The following CSNK1E variants were observed in gnomAD, a reference collection of about 807,000 sequenced individuals.
CSNK1E encodes casein kinase I isoform epsilon.
Under a neutral mutation model 46.1 loss-of-function variants are expected in CSNK1E, and 17 were observed. That is an observed-to-expected ratio of 0.37 (90% CI 0.25 to 0.55). The LOEUF is 0.55. CSNK1E is among the 20% of genes least tolerant of loss of function. The probability of loss-of-function intolerance (pLI) is 0.82; values close to 1 mark genes in which losing one functional copy is unlikely to be tolerated. For missense variants in CSNK1E, 386 were observed against 595.4 expected (o/e 0.65, Z 3.66); for synonymous variants, 241 against 242.6 (o/e 0.99, Z 0.06).
intron 7 of CSNK1E, chr22:38,296,915 C>T (rs775771203): frequency 9.8e-5 from 60 of 612,310 alleles, no homozygotes; most frequent in Middle Eastern, 4.3e-4. Flanking sequence ...GCTGGGATTA[C>T]AGGAACACAC....
Position 38,294,268 on chromosome 22 carries a change from C to T in CSNK1E, c.1079-20G>A. 1 of 1,609,374 alleles carries T rather than the reference C, an allele frequency of 6.2e-7. No individual in the cohort carries two copies. On this transcript the variant is annotated intron_variant, in intron 8 of 10. Transcript: ENST00000396832. This position sits in a 1 kb window ranked among gnomAD's most constrained non-coding sequence, Gnocchi z 5.5. Reference sequence around the variant, plus strand: ...TATTGCCTGGAGGGAGAGTGGGAAGCCACCCTCAGAGTAGGCACAAACAGA... The same window carrying T: ...TATTGCCTGGAGGGAGAGTGGGAAGTCACCCTCAGAGTAGGCACAAACAGA...
chr22:38,308,551 G>A (rs546015640), intron 2 of CSNK1E, among the ~76,000 whole-genome samples: 1 of 152,282 alleles, frequency 6.6e-6, no homozygotes, highest in South Asian at 2.1e-4. Context: ...TACCTCATGT[G>A]TAAACCGATG....
In CSNK1E at chr22:38,300,988, G is replaced by GC; in HGVS notation, c.337-37dup. The GC allele has an allele frequency of 6.3e-7, 1 of 1,578,436 alleles. No homozygotes were observed. The highest frequency in any genetic ancestry group is 8.7e-7 in the Non-Finnish European group (1 of 1,148,172). ...GGGGGGCCATTTGTTCAACAGAGGG[G>GC]CCCTTGCCTAGCACTCTGGGCCAGG... On this transcript the variant is annotated intron_variant, in intron 4 of 10. Transcript: ENST00000396832. This position sits in a 1 kb window ranked among gnomAD's most constrained non-coding sequence, Gnocchi z 4.4.
intron 4 of CSNK1E, 77 bp from the exon 5 acceptor site, chr22:38,301,029 C>T: frequency 7.8e-7 from 1 of 1,276,606 alleles, no homozygotes; most frequent in Admixed American, 1.8e-5. Context: ...GCTGGGGCCA[C>T]AGAGGTGGAA....
At chr22:38,296,247 T>A in intron 7 of CSNK1E, 1 of 1,129,154 alleles carries the variant, frequency 8.9e-7, no homozygotes, top group Admixed American at 4.7e-5. Context: ...ACATAAAAGG[T>A]CAGCAAAGTC....
At chr22:38,293,351 G>C (rs1182134704) in intron 9 of CSNK1E, 32 bp from the exon 10 acceptor site, 1 of 1,342,924 alleles carries the variant, frequency 7.4e-7, no homozygotes. Flanking sequence ...AGAGGGGGAG[G>C]GAGAGAGAGG....
rs999310408 is a variant in CSNK1E, at chr22:38,300,537, C to T, written c.565+187G>A. Among the ~76,000 whole-genome samples, 2 of 152,192 alleles carry T rather than the reference C, an allele frequency of 1.3e-5. No homozygotes were observed. The highest frequency in any genetic ancestry group is 4.8e-5 in the African/African-American group (2 of 41,446). On this transcript the variant is annotated intron_variant, in intron 5 of 10. Transcript: ENST00000396832. The surrounding 1 kb of genome is among the most constrained non-coding windows in gnomAD (Gnocchi z 4.4). ...CGCCCGGCACACACAGCTTGGCTTA[C>T]GAAGGGGAAGACCCGACTGTGCAAG...
Position 38,302,857 on chromosome 22 carries a change from T to G in CSNK1E, c.336+4A>C, listed in dbSNP as rs938177064. On this transcript the variant is annotated splice_donor_region_variant and intron_variant, in intron 4 of 10. Transcript: ENST00000396832. ...GGCTGGGGATGGAGGGGACGGGGAC[T>G]CACCATCTGGTCGGCCAAGAGCAGC... is the stretch of plus-strand genomic sequence containing the variant. The G allele has an allele frequency of 6.2e-7, 1 of 1,614,052 alleles. No homozygotes were observed. Among genetic ancestry groups the G allele is most frequent in the Non-Finnish European group, 8.5e-7 (1 of 1,179,970 alleles).
In CSNK1E at chr22:38,300,670, T is replaced by G. The variant is rs1602548370; in HGVS notation, c.565+54A>C. Reference sequence around the variant, plus strand: ...AGGGGGTGAGAGGGCTCCAGAGAGCTGGGCCCCAGCCAGTGGCCCCGGGTG... The same window carrying G: ...AGGGGGTGAGAGGGCTCCAGAGAGCGGGGCCCCAGCCAGTGGCCCCGGGTG... On this transcript the variant is annotated intron_variant, in intron 5 of 10. Coordinates refer to ENST00000396832, the MANE Select transcript of CSNK1E (RefSeq NM_152221.3). This position sits in a 1 kb window ranked among gnomAD's most constrained non-coding sequence, Gnocchi z 4.4. 1 of 1,546,824 alleles carries G rather than the reference T, an allele frequency of 6.5e-7. No individual in the cohort carries two copies. The highest frequency in any genetic ancestry group is 8.9e-7 in the Non-Finnish European group (1 of 1,123,852).
Position 38,307,451 on chromosome 22 carries a change from T to C in CSNK1E, c.77-4203A>G, listed in dbSNP as rs190102392. Reference sequence around the variant, plus strand: ...CCTGTAATCCCAGCTCTCAGGAGGCTGAGGTAGGAGAATCTCTTGAACCTG... The same window carrying C: ...CCTGTAATCCCAGCTCTCAGGAGGCCGAGGTAGGAGAATCTCTTGAACCTG... On this transcript the variant is annotated intron_variant, in intron 2 of 10. Transcript: ENST00000396832. Among the ~76,000 whole-genome samples, 373 of 152,120 alleles carry C rather than the reference T, an allele frequency of 2.5e-3. 2 individuals are homozygous for C. Among genetic ancestry groups the C allele is most frequent in the African/African-American group, 8.8e-3 (367 of 41,490 alleles).
At position 38,316,094 on chromosome 22, in the gene CSNK1E, T is replaced by G. The variant is rs368891892; in HGVS notation, c.-13+1066A>C. ...GGCTTTTCAGTTCTTTTGCTGCTTCTCCCATGGGGGAGGGGGGGAGATAAA... is the reference window on the plus strand; with the variant it reads ...GGCTTTTCAGTTCTTTTGCTGCTTCGCCCATGGGGGAGGGGGGGAGATAAA... On this transcript the variant is annotated intron_variant, in intron 1 of 10. Transcript: ENST00000396832. Among the ~76,000 whole-genome samples, 20 of 147,556 alleles carry G rather than the reference T, an allele frequency of 1.4e-4. No individual in the cohort carries two copies. The East Asian group carries it at 1.4e-3, about 11-fold the overall frequency.
At chr22:38,296,479 T>C in intron 7 of CSNK1E, 1 of 1,559,220 alleles carries the variant, frequency 6.4e-7, no homozygotes, top group Non-Finnish European at 8.7e-7. Context: ...AGGGTGAAGG[T>C]TCCCATTGCA....
At position 38,300,477 on chromosome 22, in the gene CSNK1E, C is replaced by T. The variant is rs2092665031; in HGVS notation, c.565+247G>A. On this transcript the variant is annotated intron_variant, in intron 5 of 10. Transcript: ENST00000396832. The surrounding 1 kb of genome is among the most constrained non-coding windows in gnomAD (Gnocchi z 4.4). Reference sequence around the variant, plus strand: ...TGAGCCTGTATCTTCCAGCCTGCACCAACAGGGCGGAGGAGGAAGCAGGGC... The same window carrying T: ...TGAGCCTGTATCTTCCAGCCTGCACTAACAGGGCGGAGGAGGAAGCAGGGC... Among the ~76,000 whole-genome samples the T allele has an allele frequency of 6.6e-6, 1 of 152,226 alleles. No homozygotes were observed. Among genetic ancestry groups the T allele is most frequent in the Non-Finnish European group, 1.5e-5 (1 of 68,040 alleles).
intron 7 of CSNK1E, chr22:38,296,570 G>A (rs1284546025): frequency 5.0e-6 from 8 of 1,612,480 alleles, no homozygotes; most frequent in South Asian, 1.1e-5. Flanking sequence ...GTCAGAGATT[G>A]GCAAAGGATA....
At chr22:38,314,930 G>A (rs371918291) in intron 1 of CSNK1E, among the ~76,000 whole-genome samples, 15 of 152,274 alleles carry the variant, frequency 9.9e-5, no homozygotes, top group East Asian at 3.9e-4. Context: ...GCAAAAGTCC[G>A]GACACCCTGT....
In CSNK1E at chr22:38,302,972, G is replaced by A. The variant is rs199564284; in HGVS notation, c.225C>T (p.Gly75=). The A allele has an allele frequency of 1.8e-4, 288 of 1,613,930 alleles. No individual in the cohort carries two copies. The highest frequency in any genetic ancestry group is 6.6e-4 in the Middle Eastern group (4 of 6,084). The change falls in exon 4 of 11, where the codon GGC becomes GGT. Residue 75 remains glycine, a synonymous_variant. Coordinates refer to ENST00000396832, the MANE Select transcript of CSNK1E (RefSeq NM_152221.3). ...GCTCCATGACCATCACGTTGTAGTC[G>A]CCCTCAGCTCCGCACCACTTGATGG... The part of the protein sequence containing the change: ...IPSIKWCGAE[G]DYNVMVMELL...
chr22:38,297,571 A>G (rs2092647581), intron 7 of CSNK1E: 2 of 1,002,168 alleles, frequency 2.0e-6, no homozygotes, highest in South Asian at 8.8e-5. Context: ...AGGGTGGCTG[A>G]GGGCCCTGCC....
rs139212007 is a variant in CSNK1E at position 38,291,420 on chromosome 22, G to C, written c.*551C>G. 6.5e-6 allele frequency: 1 copy of C among 153,546 alleles called. No individual in the cohort carries two copies. The highest frequency in any genetic ancestry group is 2.4e-5 in the African/African-American group (1 of 41,446). The allele number at this position is 153,546 out of a possible 1,614,324, so 9.5% of individuals were successfully genotyped here. On this transcript the variant is annotated 3_prime_UTR_variant, in exon 11 of 11. Coordinates refer to ENST00000396832, the MANE Select transcript of CSNK1E (RefSeq NM_152221.3). Reference sequence around the variant, plus strand: ...CCCACTCCATGGAGAGGCAGAGGAGGAGCCTGGAGGCCAGGGGGACAATGG... The same window carrying C: ...CCCACTCCATGGAGAGGCAGAGGAGCAGCCTGGAGGCCAGGGGGACAATGG...
intron 7 of CSNK1E, chr22:38,295,330 G>A (rs1405164983): frequency 1.4e-6 from 1 of 692,422 alleles, no homozygotes; most frequent in Admixed American, 6.3e-5. Flanking sequence ...TGGTGCAGGA[G>A]GAAGTGAGAA....
Sources: gnomAD v4.1 joint callset for allele counts (sites outside exome capture counted in the v4.1 genomes callset) on GRCh38, gnomAD v4.1.1 for gene constraint, Gnocchi (gnomAD v3.1) non-coding constraint, MANE v1.5 for transcripts, NCBI Gene and HGNC (gene_info 2026-07-23, HGNC 2026-07-21) for gene names.